The following NEB variants were observed in gnomAD, a reference collection of about 807,000 sequenced individuals.
NEB encodes nemaline myopathy type 2.
A neutral mutation model predicts 952.2 loss-of-function variants in NEB; 512 were observed. The observed-to-expected ratio is 0.54, with a 90% confidence interval of 0.50 to 0.58. The LOEUF (loss-of-function observed/expected upper bound fraction) is 0.58, where lower values mean the gene tolerates loss of function less well. Among genes scored for constraint, NEB ranks in the 20% least tolerant of loss-of-function variants. The probability of loss-of-function intolerance (pLI) is 0.00; values close to 1 mark genes in which losing one functional copy is unlikely to be tolerated. For missense variants in NEB, 8,428 were observed against 9,231.1 expected, an observed-to-expected ratio of 0.91 and a Z score of 3.56; for synonymous variants, 2,900 against 3,149.8, an observed-to-expected ratio of 0.92 and a Z score of 2.66.
intron 159 of NEB, 44 bp downstream of exon 159, chr2:151,514,274 T>C (rs757941287): frequency 7.4e-7 from 1 of 1,346,140 alleles, no homozygotes; most frequent in Non-Finnish European, 1.1e-6. Flanking sequence ...AACAAAGAAA[T>C]GATGCTGTAT....
chr2:151,525,344 TGAAATCTCCAG>T, intron 150 of NEB, 71 bp from the exon 151 acceptor site: 1 of 1,131,178 alleles, frequency 8.8e-7, no homozygotes, highest in South Asian at 1.3e-5. Context: ...TGAAGAACTG[TGAAATCTCCAG>T]GAAAATCCAT....
chr2:151,565,340 A>G (rs1461540579), intron 116 of NEB, among the ~76,000 whole-genome samples, 161 bp downstream of exon 116: 2 of 152,214 alleles, frequency 1.3e-5, no homozygotes, highest in African/African-American at 4.8e-5. Flanking sequence ...ACAATTCACC[A>G]CCTGCTAGTG....
At chr2:151,610,688 G>A in intron 79 of NEB, 65 bp from the exon 80 acceptor site, 1 of 1,575,684 alleles carries the variant, frequency 6.3e-7, no homozygotes. Flanking sequence ...GCCAATTCCA[G>A]AAAGGAAATT....
At chr2:151,640,736 T>A (rs930058276) in intron 60 of NEB, 70 bp from the exon 61 acceptor site, 1 of 1,476,736 alleles carries the variant, frequency 6.8e-7, no homozygotes, top group Admixed American at 2.3e-5. Context: ...AAGCCTAACT[T>A]GCTCTATTTA....
At position 151,643,983 on chromosome 2, in the gene NEB, C is replaced by A; in HGVS notation, c.7791G>T (p.Lys2597Asn). ...REYKKDFEKW[K>N]TKFSSPVDML... is the part of the protein sequence containing the mutation. ...TGTCCACTGGGCTGCTGAACTTGGT[C>A]TTCCACTTCTCAAAGTCCTTCTTGT... Residue 2597 changes from lysine to asparagine, a missense_variant, in exon 57 of 182, where the codon AAG (lysine) becomes AAT (asparagine). Around this residue, in one of 11 missense-constraint regions of NEB, gnomAD observed 1,772 missense variants for 1,960.3 expected, o/e 0.90. Coordinates refer to ENST00000397345, the MANE Select transcript of NEB (RefSeq NM_001164508.2). 1 of 1,613,962 alleles carries A rather than the reference C, an allele frequency of 6.2e-7. No individual in the cohort carries two copies. The highest frequency in any genetic ancestry group is 8.5e-7 in the Non-Finnish European group (1 of 1,179,898).
intron 60 of NEB, 64 bp from the exon 61 acceptor site, chr2:151,640,730 C>T: frequency 6.7e-7 from 1 of 1,488,998 alleles, no homozygotes; most frequent in South Asian, 1.4e-5. Flanking sequence ...ATCACTAAGC[C>T]TAACTTGCTC....
intron 69 of NEB, 128 bp downstream of exon 69, chr2:151,627,395 G>A: frequency 3.4e-6 from 5 of 1,452,938 alleles, no homozygotes; most frequent in South Asian, 1.4e-5. Context: ...GGGAAGAGTT[G>A]CCTAAAAAAT....
intron 13 of NEB, among the ~76,000 whole-genome samples, chr2:151,704,580 C>G (rs1023616955): frequency 2.0e-5 from 3 of 151,882 alleles, no homozygotes; most frequent in Admixed American, 6.6e-5. Flanking sequence ...TTTTTTAAGC[C>G]GGTCAGAAAA....
At chr2:151,651,697 T>C (rs2099031230) in intron 52 of NEB, among the ~76,000 whole-genome samples, 1 of 152,206 alleles carries the variant, frequency 6.6e-6, no homozygotes, top group African/African-American at 2.4e-5. Flanking sequence ...ATAACAACAG[T>C]GATAATAATG....
chr2:151,656,005 A>C lies in NEB; in HGVS notation c.6514T>G (p.Tyr2172Asp). The C allele has an allele frequency of 1.2e-6, 2 of 1,613,536 alleles. No homozygotes were observed. Among genetic ancestry groups the C allele is most frequent in the Non-Finnish European group, 1.7e-6 (2 of 1,179,640 alleles). The change falls in exon 50 of 182, where the codon TAC (tyrosine) becomes GAC (aspartate). Residue 2172 changes from tyrosine to aspartate, a missense_variant. Coordinates refer to ENST00000397345, the MANE Select transcript of NEB (RefSeq NM_001164508.2). ...IQSDNEYKQDYNEWYKGLGWS... is the reference protein window; with the variant it reads ...IQSDNEYKQDDNEWYKGLGWS... ...CCAAGCCCTTTGTACCATTCATTGT[A>C]ATCTTGCTTATATTCATTCTATAAA...
chr2:151,690,688 C>T (rs1576467238), intron 24 of NEB, 39 bp downstream of exon 24: 2 of 1,441,748 alleles, frequency 1.4e-6, no homozygotes, highest in Non-Finnish European at 9.6e-7. Flanking sequence ...GAGCAAAGCA[C>T]TCTGGGTCAC....
chr2:151,530,501 A>G (rs1452515169), intron 145 of NEB: 1 of 152,578 alleles, frequency 6.6e-6, no homozygotes. Context: ...TAAACTGATC[A>G]TAGGAATCAC....
intron 14 of NEB, 43 bp downstream of exon 14, chr2:151,697,501 G>C: frequency 4.4e-6 from 7 of 1,604,096 alleles, no homozygotes; most frequent in Non-Finnish European, 6.0e-6. Flanking sequence ...GTGAAATAAT[G>C]GGTTCTTTTT....
chr2:151,570,235 T>C lies in NEB; in HGVS notation c.17276A>G (p.Gln5759Arg), dbSNP rs772035924. The C allele has an allele frequency of 4.3e-6, 7 of 1,613,726 alleles. No homozygotes were observed. The African/African-American group carries it at 8.0e-5, about 18-fold the overall frequency. Residue 5759 changes from glutamine (Q) to arginine (R), a missense_variant, in exon 109 of 182, where the codon CAG (glutamine) becomes CGG (arginine). By Grantham distance (43) the Gln-to-Arg change is conservative. Coordinates refer to ENST00000397345, the MANE Select transcript of NEB (RefSeq NM_001164508.2). ...GATGGAAAGCATGTCCACAGGGCTC[T>C]GGATCTTGGCCTTCCATTTGGCCCA... ...LDWAKWKAKIQSPVDMLSILH... is the reference protein window; with the variant it reads ...LDWAKWKAKIRSPVDMLSILH...
intron 13 of NEB, 110 bp from the exon 14 acceptor site, chr2:151,697,758 T>C: frequency 2.6e-6 from 2 of 756,072 alleles, no homozygotes; most frequent in Admixed American, 6.1e-5. Flanking sequence ...ATATCGCCTG[T>C]CAACTGTCTT....
Position 151,501,328 on chromosome 2 carries a change from ATGTTC to A in NEB, c.24021+58_24021+62del. On this transcript the variant is annotated intron_variant, in intron 168 of 181. Transcript: ENST00000397345. ...TTATTATAAAGGGATGAACAGTGAG[ATGTTC>A]TGTTTTGTAGAAATTATTATTTTTT... 4 of 1,074,480 alleles carry A rather than the reference ATGTTC, an allele frequency of 3.7e-6. No individual in the cohort carries two copies. The South Asian group carries it at 4.2e-5, about 11-fold the overall frequency. The allele number at this position is 1,074,480 out of a possible 1,614,324, so 66.6% of individuals were successfully genotyped here.
Position 151,565,751 on chromosome 2 carries a change from C to A in NEB, c.18226G>T (p.Val6076Leu). Residue 6076 changes from valine (V) to leucine (L), a missense_variant, in exon 115 of 182, where the codon GTA becomes TTA. Around this residue, in one of 11 missense-constraint regions of NEB, gnomAD observed 3,374 missense variants for 3,651.5 expected, o/e 0.92. Coordinates refer to ENST00000397345, the MANE Select transcript of NEB (RefSeq NM_001164508.2). Reference sequence around the variant, plus strand: ...ATTTCCTGGTTCTTAGTAACCCTTACATGGTCCACAGAATCCAGTGGGATC... The same window carrying A: ...ATTTCCTGGTTCTTAGTAACCCTTAAATGGTCCACAGAATCCAGTGGGATC... ...GWIPLDSVDHVRVTKNQEMMS... is the reference protein window; with the variant it reads ...GWIPLDSVDHLRVTKNQEMMS... 2 of 1,612,632 alleles carry A rather than the reference C, an allele frequency of 1.2e-6. No homozygotes were observed. Among genetic ancestry groups the A allele is most frequent in the Admixed American group, 1.7e-5 (1 of 59,820 alleles).
intron 124 of NEB, among the ~76,000 whole-genome samples, chr2:151,558,459 C>T (rs2095809518): frequency 6.6e-6 from 1 of 152,140 alleles, no homozygotes; most frequent in South Asian, 2.1e-4. Context: ...TCTATAGATT[C>T]AATGCTATCC....
At position 151,650,250 on chromosome 2, in the gene NEB, T is replaced by G; in HGVS notation, c.7357A>C (p.Arg2453=). Residue 2453 remains arginine, a synonymous_variant, in exon 54 of 182, where the codon AGA becomes CGA. Transcript: ENST00000397345. ...SEKKYRQPPD[R]NKFTSIPDAM... is the part of the protein sequence containing the mutation. ...TCAGGAATGCTGGTGAACTTGTTTC[T>G]GTCTGGAGGCTGACGATATTTCTTC... 6.2e-7 allele frequency: 1 copy of G among 1,613,968 alleles called. No homozygotes were observed. The highest frequency in any genetic ancestry group is 8.5e-7 in the Non-Finnish European group (1 of 1,179,880).
Sources: gnomAD v4.1 joint callset for allele counts (sites outside exome capture counted in the v4.1 genomes callset) on GRCh38, gnomAD v4.1.1 for gene constraint, gnomAD v4.1.1 regional missense constraint, MANE v1.5 for transcripts, NCBI Gene and HGNC (gene_info 2026-07-23, HGNC 2026-07-21) for gene names.